Variants in LRP4 observed in about 807,000 individuals in gnomAD.
LRP4 encodes LDL receptor related protein 4, also known as low-density lipoprotein receptor-related protein 4.
LRP4 carries 95 observed loss-of-function variants against 220.3 expected under a neutral mutation model. The ratio of observed to expected loss-of-function variants is 0.43; its 90% CI spans 0.37 to 0.51. The LOEUF (loss-of-function observed/expected upper bound fraction) is 0.51, where lower values mean the gene tolerates loss of function less well. LRP4 is among the 20% of genes least tolerant of loss of function. The pLI is 0.00. For synonymous variants in LRP4, 903 were observed against 954.6 expected, an observed-to-expected ratio of 0.95 and a Z score of 1.00; for missense variants, 1,925 against 2,567.0, an observed-to-expected ratio of 0.75 and a Z score of 5.40.
chr11:46,876,803 A>T lies in LRP4; in HGVS notation c.3305T>A (p.Leu1102Gln), dbSNP rs1403299399. The change falls in exon 24 of 38, where the codon CTG (leucine) becomes CAG (glutamine). Residue 1102 changes from leucine to glutamine, a missense_variant. By Grantham distance (113) the Leu-to-Gln change is moderately radical. Coordinates refer to ENST00000378623, the MANE Select transcript of LRP4 (RefSeq NM_002334.4). ...CAGATTGGCACGACTGATCCTGTGC[A>T]GTGTGCTGTCAGACCAGTACACCTT... ...EGKVYWSDST[L>Q]HRISRANLDG... 6.2e-7 allele frequency: 1 copy of T among 1,614,096 alleles called. No individual in the cohort carries two copies. The highest frequency in any genetic ancestry group is 1.7e-5 in the Admixed American group (1 of 60,030).
At chr11:46,891,302 T>C (rs943289744) in intron 13 of LRP4, among the ~76,000 whole-genome samples, 14 of 151,832 alleles carry the variant, frequency 9.2e-5, no homozygotes, top group African/African-American at 3.1e-4. Context: ...TTAGTAGAGA[T>C]GGGGTTTCAC....
Position 46,899,537 on chromosome 11 carries a change from G to T in LRP4, c.431-34C>A. ...ATGCGATGGGACAGCAGTTCTGAGG[G>T]GGCCCCACAGGCAACCCTCTCACCC... On this transcript the variant is annotated intron_variant, in intron 4 of 37. Coordinates refer to ENST00000378623, the MANE Select transcript of LRP4 (RefSeq NM_002334.4). This position sits in a 1 kb window ranked among gnomAD's most constrained non-coding sequence, Gnocchi z 5.9. 2 of 1,454,746 alleles carry T rather than the reference G, an allele frequency of 1.4e-6. No homozygotes were observed. Among genetic ancestry groups the T allele is most frequent in the Non-Finnish European group, 1.9e-6 (2 of 1,039,436 alleles). The allele number at this position is 1,454,746 out of a possible 1,614,324, so 90.1% of individuals were successfully genotyped here. A position where few individuals can be genotyped will look rare whatever the true frequency, so the allele number is the denominator to read the frequency against.
chr11:46,876,318 C>T (rs1480659667), intron 25 of LRP4, 148 bp downstream of exon 25: 12 of 869,596 alleles, frequency 1.4e-5, no homozygotes, highest in Middle Eastern at 3.0e-4. Flanking sequence ...TGTCACCCTG[C>T]GAGAAGTCAC....
intron 30 of LRP4, among the ~76,000 whole-genome samples, chr11:46,872,085 C>T (rs1265251667): frequency 6.6e-6 from 1 of 151,926 alleles, no homozygotes; most frequent in Non-Finnish European, 1.5e-5. Context: ...GGTGAAACCC[C>T]GTCTCTGCTA....
At chr11:46,914,546 TC>T (rs993696184) in intron 1 of LRP4, among the ~76,000 whole-genome samples, 1 of 152,276 alleles carries the variant, frequency 6.6e-6, no homozygotes, top group Middle Eastern at 3.4e-3. Context: ...CACTGAGTCT[TC>T]CCTGGGACAC....
rs1341992107 is a variant in LRP4, at chr11:46,918,449, G to C, written c.-70C>G. The C allele has an allele frequency of 5.2e-6, 6 of 1,146,624 alleles. No individual in the cohort carries two copies. The highest frequency in any genetic ancestry group is 6.6e-6 in the Non-Finnish European group (6 of 908,448). 71.0% of individuals were successfully genotyped at this position (1,146,624 alleles called of 1,614,324 possible). The stretch of plus-strand genomic sequence containing the variant: ...GGACGGCGCGGCGGAGAAGCCCGCG[G>C]AGGGTCCCCGAGGGGGAAGCGTCCC... On this transcript the variant is annotated 5_prime_UTR_variant, in exon 1 of 38. Transcript: ENST00000378623. This position sits in a 1 kb window ranked among gnomAD's most constrained non-coding sequence, Gnocchi z 6.0.
chr11:46,860,637 A>G (rs145256416), intron 37 of LRP4, among the ~76,000 whole-genome samples: 2 of 152,314 alleles, frequency 1.3e-5, no homozygotes, highest in East Asian at 1.9e-4. Flanking sequence ...CTGAGCCCCT[A>G]TGTTAAGCAG....
Position 46,899,018 on chromosome 11 carries a change from C to T in LRP4, c.562G>A (p.Ala188Thr), listed in dbSNP as rs1463730442. 1 of 1,612,960 alleles carries T rather than the reference C, an allele frequency of 6.2e-7. No homozygotes were observed. Among genetic ancestry groups the T allele is most frequent in the Non-Finnish European group, 8.5e-7 (1 of 1,179,498 alleles). ...DEENCPSAVP[A>T]PPCNLEEFQC... The stretch of plus-strand genomic sequence containing the variant: ...AACTCCTCCAGGTTGCAGGGGGGCG[C>T]TGGCACTGCTGAGGCTGGAGGGAAG... Residue 188 changes from alanine (A) to threonine (T), a missense_variant, in exon 6 of 38, where the codon GCG becomes ACG. Coordinates refer to ENST00000378623, the MANE Select transcript of LRP4 (RefSeq NM_002334.4). This position sits in a 1 kb window ranked among gnomAD's most constrained non-coding sequence, Gnocchi z 5.9.
At chr11:46,916,227 C>A (rs1220913040) in intron 1 of LRP4, among the ~76,000 whole-genome samples, 1 of 151,916 alleles carries the variant, frequency 6.6e-6, no homozygotes, top group African/African-American at 2.4e-5. Flanking sequence ...TCACTTGAGC[C>A]CAGGAGTTGG....
rs1373414432 is a variant in LRP4 at position 46,876,353 on chromosome 11, G to GTGGGGCTT, written c.3536+112_3536+113insAAGCCCCA. On this transcript the variant is annotated intron_variant, in intron 25 of 37. Coordinates refer to ENST00000378623, the MANE Select transcript of LRP4 (RefSeq NM_002334.4). ...CAAGAGAGTGGAAGAGCCCCAGGGAGGTCACCTTGTTTCTGTGATGCAAGC... is the reference window on the plus strand; with the variant it reads ...CAAGAGAGTGGAAGAGCCCCAGGGAGTGGGGCTTGTCACCTTGTTTCTGTGATGCAAGC... 4 of 1,221,934 alleles carry GTGGGGCTT rather than the reference G, an allele frequency of 3.3e-6. No individual in the cohort carries two copies. The African/African-American group carries it at 5.9e-5, about 18-fold the overall frequency. The allele number at this position is 1,221,934 out of a possible 1,614,324, so 75.7% of individuals were successfully genotyped here.
rs754944470 is a variant in LRP4, at chr11:46,890,074, G to A, written c.1962C>T (p.Tyr654=). The change falls in exon 15 of 38, where the codon TAC becomes TAT. Residue 654 remains tyrosine, a synonymous_variant. Transcript: ENST00000378623. This position sits in a 1 kb window ranked among gnomAD's most constrained non-coding sequence, Gnocchi z 5.3. ...FAITVFEDSL[Y]WTDWHTKSIN... ...TGCTCTTGGTGTGCCAGTCTGTCCA[G>A]TACAGGCTGTCTTCAAACACTGTGA... 2.5e-6 allele frequency: 4 copies of A among 1,614,184 alleles called. No individual in the cohort carries two copies. The highest frequency in any genetic ancestry group is 1.1e-5 in the South Asian group (1 of 91,080).
chr11:46,897,111 G>T (rs2134856304), intron 7 of LRP4, 117 bp from the exon 8 acceptor site: 1 of 1,326,224 alleles, frequency 7.5e-7, no homozygotes, highest in Non-Finnish European at 1.1e-6. Context: ...CGGGATCACA[G>T]CTGGTCTATA....
chr11:46,896,909 G>A lies in LRP4; in HGVS notation c.882C>T (p.Asp294=). 1 of 1,614,238 alleles carries A rather than the reference G, an allele frequency of 6.2e-7. No individual in the cohort carries two copies. Among genetic ancestry groups the A allele is most frequent in the Non-Finnish European group, 8.5e-7 (1 of 1,180,046 alleles). Residue 294 remains aspartate (D), a synonymous_variant, in exon 8 of 38, where the codon GAC becomes GAT. Transcript: ENST00000378623. ...RLSWRCDGED[D]CADNSDEENC... Reference sequence around the variant, plus strand: ...TCTCTTCATCGCTGTTGTCTGCACAGTCGTCCTCCCCATCACAGCGCCAGG... The same window carrying A: ...TCTCTTCATCGCTGTTGTCTGCACAATCGTCCTCCCCATCACAGCGCCAGG...
Position 46,882,244 on chromosome 11 carries a change from T to G in LRP4, c.2613-341A>C, listed in dbSNP as rs199560152. On this transcript the variant is annotated intron_variant, in intron 19 of 37. Coordinates refer to ENST00000378623, the MANE Select transcript of LRP4 (RefSeq NM_002334.4). ...GTTCATGCCTATAATCTCAGCACTT[T>G]GGGAGGCTGAGAGTATCACTTGAGC... Among the ~76,000 whole-genome samples, 11 of 152,108 alleles carry G rather than the reference T, an allele frequency of 7.2e-5. No homozygotes were observed. In the East Asian group the frequency reaches 1.2e-3, roughly 16 times the overall value.
intron 20 of LRP4, among the ~76,000 whole-genome samples, chr11:46,880,693 A>G (rs190813440): frequency 1.1e-3 from 161 of 152,242 alleles, no homozygotes; most frequent in Non-Finnish European, 1.6e-3. Context: ...TGGATCCTAG[A>G]TTAACAAAGA....
rs545349645 is a variant in LRP4 at position 46,884,243 on chromosome 11, C to T, written c.2507-267G>A. The stretch of plus-strand genomic sequence containing the variant: ...GCGATGATTCTCAAACTTTAGTGTG[C>T]GTAAGAATCAGGAGAGCTTGTTAAA... On this transcript the variant is annotated intron_variant, in intron 18 of 37. Transcript: ENST00000378623. Among the ~76,000 whole-genome samples the T allele has an allele frequency of 3.9e-5, 6 of 152,260 alleles. No homozygotes were observed. The East Asian group carries it at 5.8e-4, about 15-fold the overall frequency.
At chr11:46,860,320 C>A (rs1341694098) in intron 37 of LRP4, among the ~76,000 whole-genome samples, 1 of 151,944 alleles carries the variant, frequency 6.6e-6, no homozygotes, top group African/African-American at 2.4e-5. Context: ...ATAGTGGGGT[C>A]CTGCAACTTA....
Position 46,918,432 on chromosome 11 carries a change from C to T in LRP4, c.-53G>A. 1 of 1,295,008 alleles carries T rather than the reference C, an allele frequency of 7.7e-7. No individual in the cohort carries two copies. Among genetic ancestry groups the T allele is most frequent in the Non-Finnish European group, 9.8e-7 (1 of 1,024,028 alleles). The allele number at this position is 1,295,008 out of a possible 1,614,324, so 80.2% of individuals were successfully genotyped here. Reference sequence around the variant, plus strand: ...TCCCGCCGGCTCCCGCCGGACGGCGCGGCGGAGAAGCCCGCGGAGGGTCCC... The same window carrying T: ...TCCCGCCGGCTCCCGCCGGACGGCGTGGCGGAGAAGCCCGCGGAGGGTCCC... On this transcript the variant is annotated 5_prime_UTR_variant, in exon 1 of 38. Transcript: ENST00000378623. This position sits in a 1 kb window ranked among gnomAD's most constrained non-coding sequence, Gnocchi z 6.0.
At chr11:46,862,966 AG>A in intron 36 of LRP4, 1 of 567,434 alleles carries the variant, frequency 1.8e-6, no homozygotes, top group Non-Finnish European at 3.2e-6. Context: ...CTACTAGATT[AG>A]GTTACCAAGA....
Sources: allele counts gnomAD v4.1 joint callset (sites outside exome capture counted in the v4.1 genomes callset), GRCh38; gene constraint gnomAD v4.1.1; non-coding constraint Gnocchi (gnomAD v3.1); transcripts MANE v1.5; gene names NCBI Gene and HGNC (gene_info 2026-07-23, HGNC 2026-07-21).